The following DDX59 variants were observed in gnomAD, a reference collection of about 807,000 sequenced individuals.
DDX59 encodes the protein DEAD-box helicase 59, also known as probable ATP-dependent RNA helicase DDX59.
A neutral mutation model predicts 51.9 loss-of-function variants in DDX59; 30 were observed. The ratio of observed to expected loss-of-function variants is 0.58; its 90% CI spans 0.43 to 0.78. DDX59 has a LOEUF of 0.78. Ranked by LOEUF, DDX59 falls within the 30% of genes least tolerant of loss-of-function variation. DDX59 has a pLI of 0.00. For missense variants in DDX59, 672 were observed against 730.8 expected (o/e 0.92, Z 0.93); for synonymous variants, 255 against 253.3 (o/e 1.01, Z -0.06).
intron 7 of DDX59, among the ~76,000 whole-genome samples, chr1:200,647,521 C>T (rs551303963): frequency 6.9e-4 from 104 of 150,928 alleles, no homozygotes; most frequent in Admixed American, 2.4e-3. Context: ...CAAAAACAAA[C>T]CAAAAATTTA....
In DDX59 at chr1:200,649,219, T is replaced by G; in HGVS notation, c.1322A>C (p.Lys441Thr). The change falls in exon 6 of 8, where the codon AAA becomes ACA. Residue 441 changes from lysine (K) to threonine (T), a missense_variant. Physicochemically the swap from Lys to Thr is moderately conservative, Grantham distance 78 (BLOSUM62 -1). Coordinates refer to ENST00000331314, the MANE Select transcript of DDX59 (RefSeq NM_001031725.6). ...TACTAACACTGGAGGCTTAAAGAGT[T>G]TCTTATCCTGAAAAATTAAAAACAT... ...KKLFEILNDK[K>T]LFKPPVLVFV... is the part of the protein sequence containing the mutation. 1.3e-6 allele frequency: 2 copies of G among 1,562,592 alleles called. No individual in the cohort carries two copies. The highest frequency in any genetic ancestry group is 1.7e-6 in the Non-Finnish European group (2 of 1,164,526).
At chr1:200,668,956 A>G (rs145383902) in intron 1 of DDX59, among the ~76,000 whole-genome samples, 191 of 152,290 alleles carry the variant, frequency 1.3e-3, no homozygotes, top group African/African-American at 4.4e-3. Flanking sequence ...TATTTCTTAA[A>G]TGTATTTGAT....
At chr1:200,641,270 A>T, downstream of DDX59, 3 of 1,285,492 alleles carry the variant, frequency 2.3e-6, no homozygotes, top group Non-Finnish European at 3.1e-6. Context: ...CCAGAAGAAA[A>T]TAGTGTAGTT....
intron 2 of DDX59, 144 bp downstream of exon 2, chr1:200,665,793 A>G: frequency 1.2e-6 from 1 of 805,852 alleles, no homozygotes; most frequent in East Asian, 2.8e-5. Context: ...TACTATCAGA[A>G]GCAAAATCAC....
At chr1:200,659,000 A>G in intron 4 of DDX59, 27 bp downstream of exon 4, 1 of 1,534,706 alleles carries the variant, frequency 6.5e-7, no homozygotes, top group Non-Finnish European at 9.0e-7. Context: ...AAAATCATGT[A>G]ACTGTTTTTT....
chr1:200,667,436 A>G (rs1662843554), intron 1 of DDX59, among the ~76,000 whole-genome samples: 1 of 151,986 alleles, frequency 6.6e-6, no homozygotes. Flanking sequence ...ACATCATGAC[A>G]CTCTTTATAT....
At chr1:200,668,625 C>T (rs538745128) in intron 1 of DDX59, among the ~76,000 whole-genome samples, 1 of 152,146 alleles carries the variant, frequency 6.6e-6, no homozygotes, top group East Asian at 1.9e-4. Context: ...TTAAAACTCC[C>T]CTGCAAAGTC....
intron 1 of DDX59, among the ~76,000 whole-genome samples, chr1:200,667,267 G>A (rs1662829075): frequency 6.6e-6 from 1 of 152,164 alleles, no homozygotes; most frequent in African/African-American, 2.4e-5. Flanking sequence ...TGGGCATGGT[G>A]GCGCACACCT....
intron 2 of DDX59, among the ~76,000 whole-genome samples, chr1:200,665,300 A>G (rs1397976791): frequency 6.6e-6 from 1 of 152,072 alleles, no homozygotes; most frequent in African/African-American, 2.4e-5. Flanking sequence ...TACTAAAAAT[A>G]CAAAATTAGC....
downstream of DDX59, chr1:200,643,919 G>GTTC: frequency 5.5e-6 from 1 of 182,268 alleles, no homozygotes; most frequent in Non-Finnish European, 1.0e-5. Context: ...TGTGCTTGTG[G>GTTC]AACTGTGGGG....
At chr1:200,650,739 A>G (rs904288199) in intron 4 of DDX59, 63 bp from the exon 5 acceptor site, 1 of 1,381,156 alleles carries the variant, frequency 7.2e-7, no homozygotes, top group Non-Finnish European at 9.7e-7. Context: ...CACCCCCAAA[A>G]AAGACTGATA....
chr1:200,662,856 T>C (rs989555941), intron 3 of DDX59, among the ~76,000 whole-genome samples: 65 of 152,210 alleles, frequency 4.3e-4, no homozygotes, highest in Admixed American at 3.9e-3. Flanking sequence ...AGTACTTGTA[T>C]TGTTTACTTT....
intron 5 of DDX59, among the ~76,000 whole-genome samples, chr1:200,649,944 A>G (rs1434756283): frequency 6.7e-6 from 1 of 150,028 alleles, no homozygotes; most frequent in Non-Finnish European, 1.5e-5. Context: ...CCAGATTCAC[A>G]CCATTCTCCT....
chr1:200,666,035 C>G lies in DDX59; in HGVS notation c.706G>C (p.Val236Leu). 6.2e-7 allele frequency: 1 copy of G among 1,614,220 alleles called. No individual in the cohort carries two copies. The highest frequency in any genetic ancestry group is 8.5e-7 in the Non-Finnish European group (1 of 1,180,040). ...AGAATGTCTCTTCCCAGAAGTCCCA[C>G]AGGAATCATCTGCATTTGAATGGGA... ...PTPIQMQMIP[V>L]GLLGRDILAS... Residue 236 changes from valine (V) to leucine (L), a missense_variant, in exon 2 of 8, where the codon GTG (valine) becomes CTG (leucine). Physicochemically the swap from Val to Leu is conservative, Grantham distance 32 (BLOSUM62 1). Transcript: ENST00000331314.
At chr1:200,649,290 T>TC in intron 5 of DDX59, 64 bp from the exon 6 acceptor site, 1 of 1,401,400 alleles carries the variant, frequency 7.1e-7, no homozygotes, top group East Asian at 2.6e-5. Flanking sequence ...GGGAAGTTTT[T>TC]CTGAAAGATT....
At position 200,666,338 on chromosome 1, in the gene DDX59, G is replaced by A. The variant is rs773609640; in HGVS notation, c.403C>T (p.His135Tyr). 1 of 1,614,198 alleles carries A rather than the reference G, an allele frequency of 6.2e-7. No homozygotes were observed. The highest frequency in any genetic ancestry group is 8.5e-7 in the Non-Finnish European group (1 of 1,180,054). ...DVCSLECKAK[H>Y]LLQVKEKEEK... is the part of the protein sequence containing the mutation. ...TCCTTTTCCTTAACTTGTAGAAGATGTTTCGCTTTACACTCCAAACTACAC... is the reference window on the plus strand; with the variant it reads ...TCCTTTTCCTTAACTTGTAGAAGATATTTCGCTTTACACTCCAAACTACAC... The change falls in exon 2 of 8, where the codon CAT becomes TAT. Residue 135 changes from histidine (H) to tyrosine (Y), a missense_variant. By Grantham distance (83) the His-to-Tyr change is moderately conservative. Transcript: ENST00000331314.
intron 1 of DDX59, among the ~76,000 whole-genome samples, chr1:200,668,398 A>G (rs1010240487): frequency 6.6e-5 from 10 of 152,136 alleles, no homozygotes; most frequent in African/African-American, 2.4e-4. Flanking sequence ...GATCCAGAGC[A>G]CAAGCTCTCA....
intron 7 of DDX59, among the ~76,000 whole-genome samples, chr1:200,648,061 T>C (rs1359735881): frequency 7.0e-6 from 1 of 142,216 alleles, no homozygotes; most frequent in Admixed American, 7.0e-5. Flanking sequence ...GAAGTCTCTG[T>C]CACCCAGGCT....
chr1:200,650,861 AC>A (rs1294861172), intron 4 of DDX59, among the ~76,000 whole-genome samples, 185 bp from the exon 5 acceptor site: 1 of 152,238 alleles, frequency 6.6e-6, no homozygotes, highest in African/African-American at 2.4e-5. Flanking sequence ...CTAAATGTTT[AC>A]AATGATATAC....
Sources: allele counts gnomAD v4.1 joint callset (sites outside exome capture counted in the v4.1 genomes callset), GRCh38; gene constraint gnomAD v4.1.1; transcripts MANE v1.5; gene names NCBI Gene and HGNC (gene_info 2026-07-23, HGNC 2026-07-21).